The following TSPAN17 variants were observed in gnomAD, a reference collection of about 807,000 sequenced individuals.
The protein encoded by TSPAN17 is tetraspanin 17.
In TSPAN17, 33 loss-of-function variants were observed where a neutral mutation model predicts 40.5. The ratio of observed to expected loss-of-function variants is 0.81; its 90% confidence interval spans 0.62 to 1.09. The LOEUF (loss-of-function observed/expected upper bound fraction) is 1.09, where lower values mean the gene tolerates loss of function less well. Among genes scored for constraint, TSPAN17 ranks in the 50% least tolerant of loss-of-function variants. The probability of loss-of-function intolerance (pLI) is 0.00; values close to 1 mark genes in which losing one functional copy is unlikely to be tolerated. For missense variants in TSPAN17, 365 were observed against 416.8 expected, an observed-to-expected ratio of 0.88 and a Z score of 1.08; for synonymous variants, 166 against 169.4, an observed-to-expected ratio of 0.98 and a Z score of 0.15.
At chr5:176,652,314 C>G (rs77425751) in intron 3 of TSPAN17, among the ~76,000 whole-genome samples, 8 of 152,160 alleles carry the variant, frequency 5.3e-5, no homozygotes, top group Non-Finnish European at 1.2e-4. Context: ...TCTTCCCAAC[C>G]GTTTTCCCAA....
Position 176,656,103 on chromosome 5 carries a change from G to T in TSPAN17, c.608G>T (p.Gly203Val). Residue 203 changes from glycine (G) to valine (V), a missense_variant, in exon 6 of 9, where the codon GGC becomes GTC. By Grantham distance (109) the Gly-to-Val change is moderately radical (BLOSUM62 -3). Transcript: ENST00000508164. ...PAEDVLNTQC[G>V]YDVRLKLELE... ...GAGGATGTCCTCAACACCCAGTGTG[G>T]CTACGACGTCCGGCTCAAACTGGTG... 6.2e-7 allele frequency: 1 copy of T among 1,614,182 alleles called. No homozygotes were observed. The highest frequency in any genetic ancestry group is 8.5e-7 in the Non-Finnish European group (1 of 1,180,030).
chr5:176,652,636 T>C, intron 3 of TSPAN17, 107 bp from the exon 4 acceptor site: 1 of 1,101,210 alleles, frequency 9.1e-7, no homozygotes, highest in Non-Finnish European at 1.3e-6. Flanking sequence ...CGCCTCTGGG[T>C]CTTGGTGGAG....
intron 8 of TSPAN17, 163 bp from the exon 9 acceptor site, chr5:176,657,355 C>T (rs1292714012): frequency 2.0e-5 from 26 of 1,270,036 alleles, no homozygotes; most frequent in Admixed American, 1.3e-4. Context: ...CCTTTCTGTG[C>T]GTAGCTGTAT....
In TSPAN17 at chr5:176,647,532, G is replaced by T; in HGVS notation, c.-84G>T. 1.8e-6 allele frequency: 2 copies of T among 1,132,248 alleles called. No individual in the cohort carries two copies. The highest frequency in any genetic ancestry group is 2.3e-6 in the Non-Finnish European group (2 of 857,866). 70.1% of individuals were successfully genotyped at this position (1,132,248 alleles called of 1,614,324 possible). On this transcript the variant is annotated 5_prime_UTR_variant, in exon 1 of 9. Transcript: ENST00000508164. ...AGCCGCAGCCGCCCGGCTAGGCCCC[G>T]GGCGGCTCTAGCCCAGGGCGGCCCG...
At position 176,657,597 on chromosome 5, in the gene TSPAN17, C is replaced by T; in HGVS notation, c.889C>T (p.Gln297Ter). The T allele has an allele frequency of 6.2e-7, 1 of 1,613,778 alleles. No individual in the cohort carries two copies. The highest frequency in any genetic ancestry group is 8.5e-7 in the Non-Finnish European group (1 of 1,179,852). Reference protein sequence around the residue: ...SEVLSTAGPQQNSLTGAPGPA... With the variant: ...SEVLSTAGPQ Reference sequence around the variant, plus strand: ...GGTCCTGTCCACGGCGGGGCCTCAGCAGAACTCTCTGACTGGGGCCCCTGG... The same window carrying T: ...GGTCCTGTCCACGGCGGGGCCTCAGTAGAACTCTCTGACTGGGGCCCCTGG... Residue 297 changes from glutamine (Q) to a stop codon, truncating the protein, a stop_gained, in exon 9 of 9, where the codon CAG becomes TAG. Coordinates refer to ENST00000508164, the MANE Select transcript of TSPAN17 (RefSeq NM_130465.5). LOFTEE classifies it low-confidence loss of function (END_TRUNC).
intron 6 of TSPAN17, 61 bp downstream of exon 6, chr5:176,656,186 G>A (rs1478162437): frequency 6.4e-7 from 1 of 1,565,514 alleles, no homozygotes; most frequent in Non-Finnish European, 8.8e-7. Flanking sequence ...GGGTATGAGA[G>A]TGTCTATAAC....
chr5:176,650,779 A>G lies in TSPAN17; in HGVS notation c.88-837A>G, dbSNP rs1169495552. On this transcript the variant is annotated intron_variant, in intron 1 of 8. Transcript: ENST00000508164. The surrounding 1 kb of genome is among the most constrained non-coding windows in gnomAD (Gnocchi z 4.0). ...TGGGGAGGTCGCAGGAGGTGGGGTC[A>G]TGGCCCTGGGCTTGGGTACGACAGC... is the stretch of plus-strand genomic sequence containing the variant. 6.6e-6 allele frequency among the ~76,000 whole-genome samples: 1 copy of G among 152,174 alleles called. No individual in the cohort carries two copies. The highest frequency in any genetic ancestry group is 1.9e-4 in the East Asian group (1 of 5,180).
In TSPAN17 at chr5:176,656,776, T is replaced by C. The variant is rs1761171328; in HGVS notation, c.707T>C (p.Ile236Thr). Residue 236 changes from isoleucine to threonine, a missense_variant, in exon 7 of 9, where the codon ATT (isoleucine) becomes ACT (threonine). Ile to Thr is a moderately conservative substitution (Grantham distance 89, BLOSUM62 -1). Coordinates refer to ENST00000508164, the MANE Select transcript of TSPAN17 (RefSeq NM_130465.5). ...GAGAAGTGGCTGCAGGACAACCTGA[T>C]TGTGGTGGCGGGAGTCTTCATGGGC... ...QFEKWLQDNL[I>T]VVAGVFMGIA... 5.6e-6 allele frequency: 9 copies of C among 1,614,210 alleles called. No individual in the cohort carries two copies. The highest frequency in any genetic ancestry group is 3.3e-4 in the Middle Eastern group (2 of 6,062).
Position 176,647,630 on chromosome 5 carries a change from CCAG to C in TSPAN17, c.18_20del (p.Gln6del), listed in dbSNP as rs1561913790. On this transcript the variant is annotated inframe_deletion, in exon 1 of 9. Coordinates refer to ENST00000508164, the MANE Select transcript of TSPAN17 (RefSeq NM_130465.5). ...GGCCGCTCACCATGCCCGGCAAGCA[CCAG>C]CATTTCCAGGAACCTGAGGTCGGCT... 1 of 1,588,512 alleles carries C rather than the reference CCAG, an allele frequency of 6.3e-7. No homozygotes were observed. The highest frequency in any genetic ancestry group is 1.1e-5 in the South Asian group (1 of 87,380).
At chr5:176,649,957 C>T (rs553264851) in intron 1 of TSPAN17, among the ~76,000 whole-genome samples, 1 of 152,308 alleles carries the variant, frequency 6.6e-6, no homozygotes, top group African/African-American at 2.4e-5. Context: ...CTAAAGCTGG[C>T]GTCCAACCCC....
Position 176,651,580 on chromosome 5 carries a change from C to T in TSPAN17, c.88-36C>T, listed in dbSNP as rs1165165237. The T allele has an allele frequency of 8.8e-6, 14 of 1,594,068 alleles. No individual in the cohort carries two copies. Among genetic ancestry groups the T allele is most frequent in the South Asian group, 1.1e-5 (1 of 88,818 alleles). ...ATGAGGGGGGAGGGTCCTGGGGCTG[C>T]TCCCAGCCCTGAGCTCTTTGTTGCT... On this transcript the variant is annotated intron_variant, in intron 1 of 8. Transcript: ENST00000508164. The surrounding 1 kb of genome is among the most constrained non-coding windows in gnomAD (Gnocchi z 4.5).
chr5:176,657,156 C>T (rs1581199793), intron 8 of TSPAN17, 200 bp downstream of exon 8: 1 of 646,496 alleles, frequency 1.5e-6, no homozygotes, highest in Non-Finnish European at 2.6e-6. Context: ...GGCCTCTTGT[C>T]CCATATGCGT....
Position 176,650,649 on chromosome 5 carries a change from G to C in TSPAN17, c.88-967G>C, listed in dbSNP as rs1760931085. The stretch of plus-strand genomic sequence containing the variant: ...GGAAGGGAAGATGTTTCCAGAGAAA[G>C]AATAGAGCAGTGTGGGGAGCCCACG... On this transcript the variant is annotated intron_variant, in intron 1 of 8. Transcript: ENST00000508164. This position sits in a 1 kb window ranked among gnomAD's most constrained non-coding sequence, Gnocchi z 4.0. 6.6e-6 allele frequency among the ~76,000 whole-genome samples: 1 copy of C among 152,220 alleles called. No homozygotes were observed. Among genetic ancestry groups the C allele is most frequent in the South Asian group, 2.1e-4 (1 of 4,832 alleles).
rs367611196 is a variant in TSPAN17, at chr5:176,652,812, G to T, written c.355G>T (p.Asp119Tyr). ...ATGILAFVFK[D>Y]WIRDQLNLFI... ...AGGGATCCTGGCCTTTGTCTTCAAG[G>T]ACTGGATTCGAGACCAGCTCAACCT... is the stretch of plus-strand genomic sequence containing the variant. The change falls in exon 4 of 9, where the codon GAC becomes TAC. Residue 119 changes from aspartate to tyrosine, a missense_variant. By Grantham distance (160) the Asp-to-Tyr change is radical (BLOSUM62 -3). Coordinates refer to ENST00000508164, the MANE Select transcript of TSPAN17 (RefSeq NM_130465.5). The T allele has an allele frequency of 2.3e-5, 37 of 1,614,012 alleles. No homozygotes were observed. Among genetic ancestry groups the T allele is most frequent in the Non-Finnish European group, 3.0e-5 (35 of 1,180,010 alleles).
At position 176,658,841 on chromosome 5, in the gene TSPAN17, C is replaced by T. The variant is rs1467456096; in HGVS notation, c.*1143C>T. 1.3e-5 allele frequency: 2 copies of T among 152,302 alleles called. No individual in the cohort carries two copies. The highest frequency in any genetic ancestry group is 4.8e-5 in the African/African-American group (2 of 41,478). The allele number at this position is 152,302 out of a possible 1,614,324, so 9.4% of individuals were successfully genotyped here. A position where few individuals can be genotyped will look rare whatever the true frequency, so the allele number is the denominator to read the frequency against. ...AAGGTGCAGGACCCAGCTTTGGCCC[C>T]ATGCCCCTGTAGGTCCCTCTGGGAC... is the stretch of plus-strand genomic sequence containing the variant. On this transcript the variant is annotated 3_prime_UTR_variant, in exon 9 of 9. Transcript: ENST00000508164.
At position 176,647,520 on chromosome 5, in the gene TSPAN17, C is replaced by T. The variant is rs975245057; in HGVS notation, c.-96C>T. Reference sequence around the variant, plus strand: ...CCGAGGCCATGAAGCCGCAGCCGCCCGGCTAGGCCCCGGGCGGCTCTAGCC... The same window carrying T: ...CCGAGGCCATGAAGCCGCAGCCGCCTGGCTAGGCCCCGGGCGGCTCTAGCC... On this transcript the variant is annotated 5_prime_UTR_variant, in exon 1 of 9. Transcript: ENST00000508164. The T allele has an allele frequency of 4.6e-5, 44 of 954,978 alleles. No individual in the cohort carries two copies. Among genetic ancestry groups the T allele is most frequent in the Middle Eastern group, 7.0e-4 (2 of 2,848 alleles). 59.2% of individuals were successfully genotyped at this position (954,978 alleles called of 1,614,324 possible). A position where few individuals can be genotyped will look rare whatever the true frequency, so the allele number is the denominator to read the frequency against.
intron 4 of TSPAN17, chr5:176,653,429 A>G (rs12516757): frequency 0.71 from 108,237 of 152,722 alleles, 40,599 homozygotes; most frequent in Non-Finnish European, 0.85. Flanking sequence ...CCTCAAACTT[A>G]CAAACTTAAC....
rs73806061 is a variant in TSPAN17 at position 176,650,710 on chromosome 5, G to A, written c.88-906G>A. Among the ~76,000 whole-genome samples the A allele has an allele frequency of 3.3e-5, 5 of 152,210 alleles. No homozygotes were observed. Among genetic ancestry groups the A allele is most frequent in the African/African-American group, 1.2e-4 (5 of 41,446 alleles). ...GGAAGGTGATAAAGGCCTTGGCCGTGGCTATGTGCTGAGGGGAAGGAGCCT... is the reference window on the plus strand; with the variant it reads ...GGAAGGTGATAAAGGCCTTGGCCGTAGCTATGTGCTGAGGGGAAGGAGCCT... On this transcript the variant is annotated intron_variant, in intron 1 of 8. Coordinates refer to ENST00000508164, the MANE Select transcript of TSPAN17 (RefSeq NM_130465.5). This position sits in a 1 kb window ranked among gnomAD's most constrained non-coding sequence, Gnocchi z 4.0.
Position 176,651,672 on chromosome 5 carries a change from G to A in TSPAN17, c.138+6G>A. 1.9e-6 allele frequency: 3 copies of A among 1,614,008 alleles called. No homozygotes were observed. The highest frequency in any genetic ancestry group is 2.5e-6 in the Non-Finnish European group (3 of 1,179,888). On this transcript the variant is annotated splice_donor_region_variant and intron_variant, in intron 2 of 8. Transcript: ENST00000508164. The surrounding 1 kb of genome is among the most constrained non-coding windows in gnomAD (Gnocchi z 4.5). ...TCTGGGCCTGGGGTGAGAAGGTAAG[G>A]CAGCGGGCGGGCGTGGAGCTGGTAT...
Sources: gnomAD v4.1 joint callset for allele counts (sites outside exome capture counted in the v4.1 genomes callset) on GRCh38, gnomAD v4.1.1 for gene constraint, Gnocchi (gnomAD v3.1) non-coding constraint, MANE v1.5 for transcripts, NCBI Gene and HGNC (gene_info 2026-07-23, HGNC 2026-07-21) for gene names.